The following FOXP2 variants were observed in gnomAD, a reference collection of about 807,000 sequenced individuals.
FOXP2 encodes forkhead box protein P2.
In FOXP2, 12 loss-of-function variants were observed where a neutral mutation model predicts 115.8. The observed-to-expected ratio is 0.10, with a 90% confidence interval of 0.07 to 0.17. The LOEUF is 0.17. FOXP2 is among the 10% of genes least tolerant of loss of function. FOXP2 has a pLI of 1.00. For missense variants in FOXP2, 629 were observed against 843.5 expected (o/e 0.75, Z 3.15); for synonymous variants, 328 against 297.7 (o/e 1.10, Z -1.05).
chr7:114,529,885 C>A (rs1799056988), intron 2 of FOXP2, among the ~76,000 whole-genome samples: 1 of 151,834 alleles, frequency 6.6e-6, no homozygotes, highest in African/African-American at 2.4e-5. Context: ...GAATTTATAT[C>A]CTTTCTGGAA....
At chr7:114,588,406 C>T (rs1162362246) in intron 3 of FOXP2, among the ~76,000 whole-genome samples, 1 of 152,016 alleles carries the variant, frequency 6.6e-6, no homozygotes, top group Non-Finnish European at 1.5e-5. Flanking sequence ...TAAAATGCTC[C>T]GAAATGATAA....
chr7:114,466,857 A>C (rs1234931265), intron 2 of FOXP2, among the ~76,000 whole-genome samples: 2 of 152,222 alleles, frequency 1.3e-5, no homozygotes, highest in Non-Finnish European at 2.9e-5. Context: ...AAACACCACA[A>C]ACAGCTCACT....
At chr7:114,539,875 G>T (rs1370937216) in intron 3 of FOXP2, among the ~76,000 whole-genome samples, 1 of 151,956 alleles carries the variant, frequency 6.6e-6, no homozygotes, top group East Asian at 1.9e-4. Flanking sequence ...CAGATCTGAA[G>T]CCTGCCCTTG....
chr7:114,346,849 G>A (rs973315290), intron 2 of FOXP2, among the ~76,000 whole-genome samples: 2 of 151,720 alleles, frequency 1.3e-5, no homozygotes, highest in Non-Finnish European at 2.9e-5. Flanking sequence ...CTACAATGAG[G>A]AGGAATACAT....
chr7:114,535,861 T>C (rs1799365402), intron 3 of FOXP2, among the ~76,000 whole-genome samples: 1 of 151,642 alleles, frequency 6.6e-6, no homozygotes, highest in Non-Finnish European at 1.5e-5. Context: ...AATGAAAGTT[T>C]TATTTAATCA....
chr7:114,160,306 G>C (rs1193031021), upstream of FOXP2, among the ~76,000 whole-genome samples: 1 of 152,062 alleles, frequency 6.6e-6, no homozygotes, highest in Admixed American at 6.6e-5. Flanking sequence ...TGCTTTCTGA[G>C]GCTACTTCTG....
At position 114,504,654 on chromosome 7, in the gene FOXP2, A is replaced by G. The variant is rs559524933; in HGVS notation, c.169-29963A>G. On this transcript the variant is annotated intron_variant, in intron 2 of 16. Coordinates refer to ENST00000350908, the MANE Select transcript of FOXP2 (RefSeq NM_014491.4). Reference sequence around the variant, plus strand: ...TTCACCCAAAAAAAGAAAAAGAGTCATGCAGAGAATGTCATGTCAACATGA... The same window carrying G: ...TTCACCCAAAAAAAGAAAAAGAGTCGTGCAGAGAATGTCATGTCAACATGA... Among the ~76,000 whole-genome samples the G allele has an allele frequency of 2.0e-5, 3 of 151,836 alleles. No individual in the cohort carries two copies. The East Asian group carries it at 5.8e-4, about 29-fold the overall frequency.
At chr7:114,129,466 A>T (rs1283540688) in intron 1 of FOXP2, among the ~76,000 whole-genome samples, 1 of 152,164 alleles carries the variant, frequency 6.6e-6, no homozygotes, top group Non-Finnish European at 1.5e-5. Context: ...GGTCAATGCC[A>T]TATAGCAGGT....
chr7:114,387,850 A>G (rs1295815070), intron 2 of FOXP2, among the ~76,000 whole-genome samples: 2 of 152,158 alleles, frequency 1.3e-5, no homozygotes, highest in Admixed American at 6.5e-5. Context: ...ACAATAGTAG[A>G]AAGGGAGGGG....
intron 1 of FOXP2, among the ~76,000 whole-genome samples, chr7:114,142,773 A>G (rs1054850216): frequency 1.3e-5 from 2 of 152,132 alleles, no homozygotes; most frequent in Admixed American, 6.5e-5. Flanking sequence ...TATTAGGCAG[A>G]TAATGCTATT....
intron 1 of FOXP2, among the ~76,000 whole-genome samples, chr7:114,210,748 T>C (rs1369342602): frequency 1.3e-5 from 2 of 151,922 alleles, no homozygotes; most frequent in Non-Finnish European, 2.9e-5. Flanking sequence ...CAGGCTAGAA[T>C]GTCTGAGTTA....
chr7:114,391,937 T>C (rs1242172935), intron 2 of FOXP2, among the ~76,000 whole-genome samples: 1 of 152,224 alleles, frequency 6.6e-6, no homozygotes, highest in African/African-American at 2.4e-5. Flanking sequence ...CTCACATATG[T>C]GGTGATTTTA....
intron 2 of FOXP2, among the ~76,000 whole-genome samples, chr7:114,430,393 A>G (rs1213863171): frequency 6.6e-6 from 1 of 151,780 alleles, no homozygotes; most frequent in African/African-American, 2.4e-5. Flanking sequence ...AAAAGAGAAT[A>G]TATCTTGAAC....
At chr7:114,522,548 T>C (rs918393455) in intron 2 of FOXP2, among the ~76,000 whole-genome samples, 1 of 152,182 alleles carries the variant, frequency 6.6e-6, no homozygotes, top group Non-Finnish European at 1.5e-5. Flanking sequence ...TACAATCATA[T>C]TGTAGATAAT....
At chr7:114,435,250 G>C (rs1794288422) in intron 2 of FOXP2, among the ~76,000 whole-genome samples, 1 of 152,158 alleles carries the variant, frequency 6.6e-6, no homozygotes, top group African/African-American at 2.4e-5. Context: ...TTGAAGAGGA[G>C]GGACAGACTC....
chr7:114,332,707 G>C (rs1250060267), intron 2 of FOXP2, among the ~76,000 whole-genome samples: 1 of 152,142 alleles, frequency 6.6e-6, no homozygotes, highest in Non-Finnish European at 1.5e-5. Flanking sequence ...GTGGTTTGGG[G>C]TGAGAAATTT....
At chr7:114,126,511 C>T (rs914411623) in intron 1 of FOXP2, among the ~76,000 whole-genome samples, 24 of 152,070 alleles carry the variant, frequency 1.6e-4, no homozygotes, top group African/African-American at 5.8e-4. Context: ...GGTTTATCAA[C>T]TAAAGCTATT....
intron 3 of FOXP2, among the ~76,000 whole-genome samples, chr7:114,596,023 A>T (rs1420957504): frequency 6.6e-6 from 1 of 152,078 alleles, no homozygotes; most frequent in Non-Finnish European, 1.5e-5. Context: ...CTTTTTCCTT[A>T]ATACTGAAGG....
In FOXP2 at chr7:114,455,257, C is replaced by A. The variant is rs73718511; in HGVS notation, c.168+28578C>A. 7.8e-3 allele frequency among the ~76,000 whole-genome samples: 1,186 copies of A among 152,294 alleles called. 13 individuals are homozygous for A. Among genetic ancestry groups the A allele is most frequent in the African/African-American group, 0.027 (1,130 of 41,558 alleles). ...TTAGCTCAATTTATAGCAAAAACAT[C>A]CATTTAACTAATGAAGCCAACTGTT... On this transcript the variant is annotated intron_variant, in intron 2 of 16. Transcript: ENST00000350908.
Sources: gnomAD v4.1 joint callset for allele counts (sites outside exome capture counted in the v4.1 genomes callset) on GRCh38, gnomAD v4.1.1 for gene constraint, MANE v1.5 for transcripts, NCBI Gene and HGNC (gene_info 2026-07-23, HGNC 2026-07-21) for gene names.